The following ZPR1 variants were observed in gnomAD, a reference collection of about 807,000 sequenced individuals.
ZPR1 encodes the protein ZPR1 zinc finger, also known as zinc finger protein ZPR1.
Under a neutral mutation model 59.6 loss-of-function variants are expected in ZPR1, and 37 were observed. The ratio of observed to expected loss-of-function variants is 0.62; its 90% CI spans 0.48 to 0.82. ZPR1 has a LOEUF of 0.82. Ranked by LOEUF, ZPR1 falls within the 40% of genes least tolerant of loss-of-function variation. The pLI is 0.00. For missense variants in ZPR1, 527 were observed against 579.9 expected (o/e 0.91, Z 0.94); for synonymous variants, 191 against 215.2 (o/e 0.89, Z 0.99).
At chr11:116,781,098 C>A (rs529587090) in intron 12 of ZPR1, among the ~76,000 whole-genome samples, 1 of 151,052 alleles carries the variant, frequency 6.6e-6, no homozygotes, top group Non-Finnish European at 1.5e-5. Flanking sequence ...AGGGAATCTC[C>A]CAAAGAAGAA....
Position 116,777,036 on chromosome 11 carries a change from G to A in ZPR1, c.*1889C>T, listed in dbSNP as rs1327562426. The A allele has an allele frequency of 2.0e-5, 3 of 152,176 alleles. No individual in the cohort carries two copies. Among genetic ancestry groups the A allele is most frequent in the African/African-American group, 4.8e-5 (2 of 41,420 alleles). 9.4% of individuals were successfully genotyped at this position (152,176 alleles called of 1,614,324 possible). A position where few individuals can be genotyped will look rare whatever the true frequency, so the allele number is the denominator to read the frequency against. ...CTCACTTACAGAAATTAGAGATACA[G>A]GTATGGAAGTTAGTCCCACATGATA... On this transcript the variant is annotated 3_prime_UTR_variant, in exon 14 of 14. Coordinates refer to ENST00000227322, the MANE Select transcript of ZPR1 (RefSeq NM_003904.5).
At chr11:116,787,103 A>C (rs1940899687) in intron 2 of ZPR1, 44 bp from the exon 3 acceptor site, 5 of 1,534,882 alleles carry the variant, frequency 3.3e-6, no homozygotes, top group Non-Finnish European at 3.6e-6. Context: ...ACTGCAGAAC[A>C]GCTTCTCCTC....
rs543000923 is a variant in ZPR1 at position 116,774,363 on chromosome 11, T to A, written c.*4562A>T. ...ACTTGTACCATTTGAGAGAGAAGTT[T>A]TAGTGTTACTGAAATCACAGACTTC... On this transcript the variant is annotated 3_prime_UTR_variant, in exon 14 of 14. Transcript: ENST00000227322. 6.6e-6 allele frequency: 1 copy of A among 151,698 alleles called. No homozygotes were observed. Among genetic ancestry groups the A allele is most frequent in the Non-Finnish European group, 1.5e-5 (1 of 67,844 alleles). 9.4% of individuals were successfully genotyped at this position (151,698 alleles called of 1,614,324 possible). A position where few individuals can be genotyped will look rare whatever the true frequency, so the allele number is the denominator to read the frequency against.
rs1157240551 is a variant in ZPR1, at chr11:116,774,697, G to A, written c.*4228C>T. 6.6e-6 allele frequency: 1 copy of A among 152,250 alleles called. No individual in the cohort carries two copies. Among genetic ancestry groups the A allele is most frequent in the Non-Finnish European group, 1.5e-5 (1 of 68,104 alleles). The allele number at this position is 152,250 out of a possible 1,614,324, so 9.4% of individuals were successfully genotyped here. A position where few individuals can be genotyped will look rare whatever the true frequency, so the allele number is the denominator to read the frequency against. On this transcript the variant is annotated 3_prime_UTR_variant, in exon 14 of 14. Coordinates refer to ENST00000227322, the MANE Select transcript of ZPR1 (RefSeq NM_003904.5). ...GAGGGCTTGTGAGACGAGGACGCTG[G>A]GCTGAGAAGATAGGGCTTCACTAGG...
chr11:116,779,084 A>G (rs746496306), intron 13 of ZPR1, 25 bp from the exon 14 acceptor site: 12 of 1,612,186 alleles, frequency 7.4e-6, no homozygotes, highest in Non-Finnish European at 8.5e-6. Context: ...AGAGACAATC[A>G]GTGCCGCTGT....
chr11:116,783,180 A>T, intron 10 of ZPR1, 151 bp from the exon 11 acceptor site: 1 of 634,016 alleles, frequency 1.6e-6, no homozygotes, highest in East Asian at 2.7e-5. Context: ...CTTGAGACTC[A>T]CTCCTGTCCA....
At chr11:116,785,292 A>C in intron 6 of ZPR1, 146 bp from the exon 7 acceptor site, 1 of 1,110,836 alleles carries the variant, frequency 9.0e-7, no homozygotes, top group Non-Finnish European at 1.3e-6. Flanking sequence ...CACAAAGTAA[A>C]GCCCCAACCA....
At chr11:116,781,904 C>T (rs936826090) in intron 12 of ZPR1, among the ~76,000 whole-genome samples, 1 of 151,482 alleles carries the variant, frequency 6.6e-6, no homozygotes, top group Non-Finnish European at 1.5e-5. Flanking sequence ...CCCAGCTACT[C>T]GGGAGGCTGA....
Position 116,787,569 on chromosome 11 carries a change from G to C in ZPR1, c.246C>G (p.His82Gln). 1 of 1,614,248 alleles carries C rather than the reference G, an allele frequency of 6.2e-7. No homozygotes were observed. Among genetic ancestry groups the C allele is most frequent in the Non-Finnish European group, 8.5e-7 (1 of 1,180,042 alleles). The change falls in exon 2 of 14, where the codon CAC becomes CAG. Residue 82 changes from histidine to glutamine, a missense_variant. His to Gln is a conservative substitution (Grantham distance 24). Coordinates refer to ENST00000227322, the MANE Select transcript of ZPR1 (RefSeq NM_003904.5). Reference sequence around the variant, plus strand: ...GGATCTCCGTGTTGTTCCAGCCACAGTGCTCGCAGGAAAAGGAGCTCACTA... The same window carrying C: ...GGATCTCCGTGTTGTTCCAGCCACACTGCTCGCAGGAAAAGGAGCTCACTA... ...EIIVSSFSCE[H>Q]CGWNNTEIQS...
rs1940887476 is a variant in ZPR1, at chr11:116,786,452, G to C, written c.495+59C>G. The C allele has an allele frequency of 3.8e-6, 6 of 1,589,736 alleles. No homozygotes were observed. In the Admixed American group the frequency reaches 1.0e-4, roughly 27 times the overall value. On this transcript the variant is annotated intron_variant, in intron 4 of 13. Transcript: ENST00000227322. ...TAGTCAGAGACTCTTCAGACACATG[G>C]GACACTCTATATAAGCAATTATTCC...
In ZPR1 at chr11:116,783,557, G is replaced by A. The variant is rs1346533629; in HGVS notation, c.954C>T (p.Ala318=). Residue 318 remains alanine (A), a synonymous_variant, in exon 10 of 14, where the codon GCC becomes GCT. Transcript: ENST00000227322. ...GTRITLHITD[A]SDMTRDLLKS... ...TGAGGAGGTCTCTGGTCATATCTGA[G>A]GCATCTGTGATGTGGAGGGTGATCC... 3 of 1,614,000 alleles carry A rather than the reference G, an allele frequency of 1.9e-6. No homozygotes were observed. The African/African-American group carries it at 4.0e-5, about 22-fold the overall frequency.
In ZPR1 at chr11:116,787,978, C is replaced by G; in HGVS notation, c.13G>C (p.Gly5Arg). MAAS[G>R]AVEPGPPGAA... The stretch of plus-strand genomic sequence containing the variant: ...CCCGGGGGCCCTGGTTCCACAGCCC[C>G]GCTGGCCGCCATGGCCACCACGCGC... The change falls in exon 1 of 14, where the codon GGG becomes CGG. Residue 5 changes from glycine (G) to arginine (R), a missense_variant. By Grantham distance (125) the Gly-to-Arg change is moderately radical. Coordinates refer to ENST00000227322, the MANE Select transcript of ZPR1 (RefSeq NM_003904.5). The G allele has an allele frequency of 1.4e-6, 2 of 1,429,252 alleles. No individual in the cohort carries two copies. Among genetic ancestry groups the G allele is most frequent in the Non-Finnish European group, 1.8e-6 (2 of 1,104,228 alleles). 88.5% of individuals were successfully genotyped at this position (1,429,252 alleles called of 1,614,324 possible). A position where few individuals can be genotyped will look rare whatever the true frequency, so the allele number is the denominator to read the frequency against.
In ZPR1 at chr11:116,776,708, CA is replaced by C. The variant is rs766620424; in HGVS notation, c.*2216del. On this transcript the variant is annotated 3_prime_UTR_variant, in exon 14 of 14. Coordinates refer to ENST00000227322, the MANE Select transcript of ZPR1 (RefSeq NM_003904.5). ...GAGATTGCCTCACACCAACCAAACT[CA>C]CAAGAGATTCAGTAATAAGCCAGAG... 5 of 152,222 alleles carry C rather than the reference CA, an allele frequency of 3.3e-5. No homozygotes were observed. The highest frequency in any genetic ancestry group is 6.5e-5 in the Admixed American group (1 of 15,286). 9.4% of individuals were successfully genotyped at this position (152,222 alleles called of 1,614,324 possible). A position where few individuals can be genotyped will look rare whatever the true frequency, so the allele number is the denominator to read the frequency against.
rs1374669955 is a variant in ZPR1, at chr11:116,776,106, T to TG, written c.*2818dup. ...CTCACCTCCCCTCCTCCACTCATCA[T>TG]GACACAGATGTACATTCAGTACCTA... is the stretch of plus-strand genomic sequence containing the variant. On this transcript the variant is annotated 3_prime_UTR_variant, in exon 14 of 14. Transcript: ENST00000227322. 1.3e-5 allele frequency: 2 copies of TG among 152,280 alleles called. No homozygotes were observed. Among genetic ancestry groups the TG allele is most frequent in the Non-Finnish European group, 2.9e-5 (2 of 68,054 alleles). 9.4% of individuals were successfully genotyped at this position (152,280 alleles called of 1,614,324 possible).
rs1940743998 is a variant in ZPR1, at chr11:116,777,785, G to C, written c.*1140C>G. The C allele has an allele frequency of 2.0e-5, 3 of 152,046 alleles. No homozygotes were observed. Among genetic ancestry groups the C allele is most frequent in the Admixed American group, 6.5e-5 (1 of 15,268 alleles). The allele number at this position is 152,046 out of a possible 1,614,324, so 9.4% of individuals were successfully genotyped here. On this transcript the variant is annotated 3_prime_UTR_variant, in exon 14 of 14. Coordinates refer to ENST00000227322, the MANE Select transcript of ZPR1 (RefSeq NM_003904.5). ...GTCTGCACCACAGGAGTCACCTTTT[G>C]TTTATGAGAGGCAGGAGACTACAGT...
Position 116,778,865 on chromosome 11 carries a change from T to C in ZPR1, c.*60A>G. 1 of 1,585,712 alleles carries C rather than the reference T, an allele frequency of 6.3e-7. No homozygotes were observed. Among genetic ancestry groups the C allele is most frequent in the Non-Finnish European group, 8.6e-7 (1 of 1,169,178 alleles). On this transcript the variant is annotated 3_prime_UTR_variant, in exon 14 of 14. Coordinates refer to ENST00000227322, the MANE Select transcript of ZPR1 (RefSeq NM_003904.5). ...ACTCCCAGCCTTCGCCTTCATCCAA[T>C]ACTAATAAATAACCTACAGAAAGAG...
At chr11:116,783,072 AG>A in intron 10 of ZPR1, 43 bp from the exon 11 acceptor site, 1 of 1,540,176 alleles carries the variant, frequency 6.5e-7, no homozygotes, top group Non-Finnish European at 9.0e-7. Flanking sequence ...TCAGAAGCAA[AG>A]AAAGCCAACC....
Position 116,783,612 on chromosome 11 carries a change from G to A in ZPR1, c.899C>T (p.Ser300Phe). The A allele has an allele frequency of 6.2e-7, 1 of 1,614,002 alleles. No individual in the cohort carries two copies. The highest frequency in any genetic ancestry group is 8.5e-7 in the Non-Finnish European group (1 of 1,179,890). ...GCCCAAGGGTTCTACTGCTCCTCCA[G>A]ATTTCACCTGCATCGATAACAGTCA... ...NCGHRTNEVK[S>F]GGAVEPLGTR... The change falls in exon 10 of 14, where the codon TCT becomes TTT. Residue 300 changes from serine to phenylalanine, a missense_variant. Coordinates refer to ENST00000227322, the MANE Select transcript of ZPR1 (RefSeq NM_003904.5).
rs2134191244 is a variant in ZPR1 at position 116,776,032 on chromosome 11, A to G, written c.*2893T>C. 1 of 152,386 alleles carries G rather than the reference A, an allele frequency of 6.6e-6. No homozygotes were observed. The highest frequency in any genetic ancestry group is 6.5e-5 in the Admixed American group (1 of 15,306). The allele number at this position is 152,386 out of a possible 1,614,324, so 9.4% of individuals were successfully genotyped here. On this transcript the variant is annotated 3_prime_UTR_variant, in exon 14 of 14. Transcript: ENST00000227322. ...TTAGAATGAAAGTGTTGCCATCATT[A>G]AAGTTTTCAGTTGGCCAAGTCAACT...
Sources: gnomAD v4.1 joint callset for allele counts (sites outside exome capture counted in the v4.1 genomes callset) on GRCh38, gnomAD v4.1.1 for gene constraint, MANE v1.5 for transcripts, NCBI Gene and HGNC (gene_info 2026-07-23, HGNC 2026-07-21) for gene names.